SFSWAP: variants seen among roughly 807,000 people sequenced by gnomAD.
SFSWAP encodes splicing factor, suppressor of white-apricot homolog.
In SFSWAP, 17 loss-of-function variants were observed where a neutral mutation model predicts 100.7. That is an observed-to-expected ratio of 0.17 (90% CI 0.12 to 0.25). SFSWAP has a LOEUF of 0.25. Among genes scored for constraint, SFSWAP ranks in the 10% least tolerant of loss-of-function variants. The probability of loss-of-function intolerance (pLI) is 1.00; values close to 1 mark genes in which losing one functional copy is unlikely to be tolerated. For synonymous variants in SFSWAP, 504 were observed against 510.1 expected, an observed-to-expected ratio of 0.99 and a Z score of 0.16; for missense variants, 1,005 against 1,262.6, an observed-to-expected ratio of 0.80 and a Z score of 3.09.
At chr12:131,796,396 G>A (rs551452793) in intron 15 of SFSWAP, 1 of 152,642 alleles carries the variant, frequency 6.6e-6, no homozygotes, top group Non-Finnish European at 1.5e-5. Flanking sequence ...CTAAGGGCAG[G>A]TGCAGGCCAG....
At chr12:131,779,316 T>TGAGTGTGTGTGAAGAG (rs1566051767) in intron 14 of SFSWAP, among the ~76,000 whole-genome samples, 1 of 151,144 alleles carries the variant, frequency 6.6e-6, no homozygotes, top group Admixed American at 6.6e-5. Context: ...GCGGCGCTGG[T>TGAGTGTGTGTGAAGAG]GCAGAATGTT....
At chr12:131,772,603 C>T (rs904727052) in intron 13 of SFSWAP, among the ~76,000 whole-genome samples, 16 of 152,140 alleles carry the variant, frequency 1.1e-4, no homozygotes, top group African/African-American at 3.6e-4. Flanking sequence ...TCCTCTCTGG[C>T]GGGAGCAGGC....
In SFSWAP at chr12:131,730,417, T is replaced by C. The variant is rs922944871; in HGVS notation, c.1081+1989T>C. 3.9e-5 allele frequency among the ~76,000 whole-genome samples: 6 copies of C among 152,226 alleles called. No individual in the cohort carries two copies. Among genetic ancestry groups the C allele is most frequent in the South Asian group, 2.1e-4 (1 of 4,832 alleles). On this transcript the variant is annotated intron_variant, in intron 7 of 17. Coordinates refer to ENST00000261674, the MANE Select transcript of SFSWAP (RefSeq NM_004592.4). This position sits in a 1 kb window ranked among gnomAD's most constrained non-coding sequence, Gnocchi z 4.0. The stretch of plus-strand genomic sequence containing the variant: ...CTAGAAATTCAGGGCGGGCTGACCT[T>C]GATTATTTGCTGTGCTAATCACTGG...
chr12:131,741,995 C>G (rs1413614638), intron 7 of SFSWAP, among the ~76,000 whole-genome samples: 1 of 152,178 alleles, frequency 6.6e-6, no homozygotes, highest in Non-Finnish European at 1.5e-5. Flanking sequence ...CCTTGATGCT[C>G]TCTCACCTTC....
intron 7 of SFSWAP, 100 bp from the exon 8 acceptor site, chr12:131,753,023 G>A (rs1261428644): frequency 6.6e-7 from 1 of 1,508,932 alleles, no homozygotes; most frequent in Non-Finnish European, 9.1e-7. Context: ...CAGAGGCAAG[G>A]CTGCATCTTG....
chr12:131,718,223 A>C (rs1279841132), intron 3 of SFSWAP, among the ~76,000 whole-genome samples: 1 of 152,222 alleles, frequency 6.6e-6, no homozygotes, highest in East Asian at 1.9e-4. Flanking sequence ...GGTTTCACGG[A>C]ATGAGGTTTG....
intron 7 of SFSWAP, among the ~76,000 whole-genome samples, chr12:131,746,079 A>G (rs953740998): frequency 2.6e-5 from 4 of 152,270 alleles, no homozygotes; most frequent in Admixed American, 6.5e-5. Context: ...ATACATGTAC[A>G]TGCGTAGTAT....
chr12:131,791,876 G>T (rs1033358015), intron 15 of SFSWAP, among the ~76,000 whole-genome samples: 3 of 152,286 alleles, frequency 2.0e-5, no homozygotes, highest in African/African-American at 7.2e-5. Context: ...GGGGGAGGGG[G>T]TGTGCACATG....
chr12:131,731,020 C>T (rs529650607), intron 7 of SFSWAP, among the ~76,000 whole-genome samples: 3 of 152,196 alleles, frequency 2.0e-5, no homozygotes, highest in Admixed American at 6.5e-5. Context: ...TGAGCCTCCT[C>T]GCTGAGCACA....
intron 13 of SFSWAP, among the ~76,000 whole-genome samples, chr12:131,775,916 C>A (rs1293034143): frequency 6.6e-6 from 1 of 151,262 alleles, no homozygotes; most frequent in Non-Finnish European, 1.5e-5. Flanking sequence ...ATAGCAAAAC[C>A]CTTTCTCTAC....
chr12:131,756,610 C>T lies in SFSWAP; in HGVS notation c.1686C>T (p.Ser562=). The T allele has an allele frequency of 6.2e-7, 1 of 1,610,528 alleles. No homozygotes were observed. The highest frequency in any genetic ancestry group is 8.5e-7 in the Non-Finnish European group (1 of 1,178,588). The change falls in exon 11 of 18, where the codon TCC becomes TCT. Residue 562 remains serine (S), a synonymous_variant. Coordinates refer to ENST00000261674, the MANE Select transcript of SFSWAP (RefSeq NM_004592.4). ...AGSGGKKEAS[S]SKTVPDGKLV... is the part of the protein sequence containing the mutation. Reference sequence around the variant, plus strand: ...CAGGCGGGAAGAAGGAGGCATCGTCCAGTAAGACCGTCCCGGACGGGAAGC... The same window carrying T: ...CAGGCGGGAAGAAGGAGGCATCGTCTAGTAAGACCGTCCCGGACGGGAAGC...
chr12:131,781,041 G>A (rs569284920), intron 14 of SFSWAP, among the ~76,000 whole-genome samples: 33 of 152,214 alleles, frequency 2.2e-4, no homozygotes, highest in Non-Finnish European at 4.7e-4. Context: ...AGAGCTGAAA[G>A]GCTTCACCTA....
At chr12:131,739,722 T>C (rs1340521840) in intron 7 of SFSWAP, among the ~76,000 whole-genome samples, 1 of 151,932 alleles carries the variant, frequency 6.6e-6, no homozygotes, top group Non-Finnish European at 1.5e-5. Flanking sequence ...ATTTTTTGTA[T>C]TTTTAGTAGA....
intron 4 of SFSWAP, among the ~76,000 whole-genome samples, chr12:131,720,216 TC>T (rs2136181060): frequency 6.6e-6 from 1 of 152,366 alleles, no homozygotes; most frequent in South Asian, 2.1e-4. Context: ...ATTTCCCCAT[TC>T]CAGTCACTGT....
Position 131,719,519 on chromosome 12 carries a change from G to A in SFSWAP, c.586G>A (p.Val196Ile), listed in dbSNP as rs377250135. Residue 196 changes from valine (V) to isoleucine (I), a missense_variant, in exon 4 of 18, where the codon GTC (valine) becomes ATC (isoleucine). This residue lies in a region of SFSWAP where 237 missense variants were observed against 337.0 expected (regional missense o/e 0.70). Coordinates refer to ENST00000261674, the MANE Select transcript of SFSWAP (RefSeq NM_004592.4). ...CTTCGTTGCCCCCTTAGGATTGAGC[G>A]TCCCGTCTGACGTGGAGTTGGTATG... ...EPFVAPLGLS[V>I]PSDVELPPTA... is the part of the protein sequence containing the mutation. 1.7e-5 allele frequency: 27 copies of A among 1,613,728 alleles called. No individual in the cohort carries two copies. The highest frequency in any genetic ancestry group is 4.4e-5 in the South Asian group (4 of 91,056).
At chr12:131,749,492 A>G (rs750295607) in intron 7 of SFSWAP, among the ~76,000 whole-genome samples, 16 of 152,196 alleles carry the variant, frequency 1.1e-4, no homozygotes, top group Non-Finnish European at 2.4e-4. Flanking sequence ...TTTAGTGTTC[A>G]CGAGAATTGC....
rs1877270524 is a variant in SFSWAP at position 131,711,116 on chromosome 12, G to C, written c.-114G>C. 1.2e-6 allele frequency: 1 copy of C among 825,650 alleles called. No individual in the cohort carries two copies. The highest frequency in any genetic ancestry group is 2.9e-5 in the Admixed American group (1 of 34,338). 51.1% of individuals were successfully genotyped at this position (825,650 alleles called of 1,614,324 possible). Reference sequence around the variant, plus strand: ...TTTTGTGGCCCGCTATGGCGGCGGTGTTGAGGTTGGGTACGGGATGCGGGG... The same window carrying C: ...TTTTGTGGCCCGCTATGGCGGCGGTCTTGAGGTTGGGTACGGGATGCGGGG... On this transcript the variant is annotated 5_prime_UTR_variant, in exon 1 of 18. Transcript: ENST00000261674. This position sits in a 1 kb window ranked among gnomAD's most constrained non-coding sequence, Gnocchi z 4.9.
chr12:131,781,686 C>T (rs569652527), intron 14 of SFSWAP, among the ~76,000 whole-genome samples: 86 of 152,278 alleles, frequency 5.6e-4, no homozygotes, highest in African/African-American at 1.9e-3. Flanking sequence ...TTTAATCCGA[C>T]CTACGTTTAA....
intron 14 of SFSWAP, among the ~76,000 whole-genome samples, chr12:131,786,086 G>A (rs1884868045): frequency 6.6e-6 from 1 of 152,212 alleles, no homozygotes; most frequent in African/African-American, 2.4e-5. Context: ...GGAAGGAAGA[G>A]GAAGCGCCAG....
Sources: allele counts gnomAD v4.1 joint callset (sites outside exome capture counted in the v4.1 genomes callset), GRCh38; gene constraint gnomAD v4.1.1; regional missense constraint gnomAD v4.1.1; non-coding constraint Gnocchi (gnomAD v3.1); transcripts MANE v1.5; gene names NCBI Gene and HGNC (gene_info 2026-07-23, HGNC 2026-07-21).